The following SMG6 variants were observed in gnomAD, a reference collection of about 807,000 sequenced individuals.
The protein encoded by SMG6 is telomerase-binding protein EST1A.
Under a neutral mutation model 142.2 loss-of-function variants are expected in SMG6, and 66 were observed. The ratio of observed to expected loss-of-function variants is 0.46; its 90% CI spans 0.38 to 0.57. The LOEUF (loss-of-function observed/expected upper bound fraction) is 0.57, where lower values mean the gene tolerates loss of function less well. SMG6 is among the 20% of genes least tolerant of loss of function. The pLI is 0.00. For missense variants in SMG6, 1,793 were observed against 1,832.0 expected (o/e 0.98, Z 0.39); for synonymous variants, 779 against 702.4 (o/e 1.11, Z -1.72).
intron 13 of SMG6, among the ~76,000 whole-genome samples, chr17:2,151,747 T>C (rs1206716527): frequency 6.6e-6 from 1 of 152,240 alleles, no homozygotes; most frequent in Non-Finnish European, 1.5e-5. Context: ...ACATTTTCCC[T>C]ACACCTATGC....
chr17:2,099,125 T>C (rs1228775369), intron 13 of SMG6, among the ~76,000 whole-genome samples: 1 of 152,038 alleles, frequency 6.6e-6, no homozygotes, highest in Non-Finnish European at 1.5e-5. Flanking sequence ...TGTGGATGAG[T>C]GATCGTGGGG....
chr17:2,143,688 G>A (rs576659546), intron 13 of SMG6, among the ~76,000 whole-genome samples: 1 of 152,190 alleles, frequency 6.6e-6, no homozygotes, highest in Non-Finnish European at 1.5e-5. Flanking sequence ...TGAAACAACG[G>A]AATTGTGTAC....
intron 8 of SMG6, among the ~76,000 whole-genome samples, chr17:2,282,390 C>CAAAAAA (rs576759563): frequency 1.2e-5 from 1 of 84,526 alleles, no homozygotes; most frequent in African/African-American, 4.4e-5. Context: ...CAAAAAGCAG[C>CAAAAAA]AAAAAAAAAA....
At chr17:2,212,014 C>T (rs2072880295) in intron 10 of SMG6, among the ~76,000 whole-genome samples, 1 of 152,206 alleles carries the variant, frequency 6.6e-6, no homozygotes, top group East Asian at 1.9e-4. Flanking sequence ...AATTTCAAAT[C>T]TGATCAGCAT....
At chr17:2,303,032 G>A (rs2075319565) in intron 1 of SMG6, 2 of 985,338 alleles carry the variant, frequency 2.0e-6, no homozygotes, top group African/African-American at 1.7e-5. Flanking sequence ...CGTGGCTGGA[G>A]ACTTGAAATT....
intron 8 of SMG6, among the ~76,000 whole-genome samples, chr17:2,278,252 G>A (rs2074705842): frequency 6.6e-6 from 1 of 151,128 alleles, no homozygotes; most frequent in Admixed American, 6.6e-5. Context: ...GCCCAGGCTG[G>A]AGTGCAATGG....
At chr17:2,301,962 C>G (rs2075288229) in intron 1 of SMG6, among the ~76,000 whole-genome samples, 1 of 151,838 alleles carries the variant, frequency 6.6e-6, no homozygotes, top group Non-Finnish European at 1.5e-5. Context: ...TATATAAAAT[C>G]CTAGCATAGG....
intron 13 of SMG6, among the ~76,000 whole-genome samples, chr17:2,135,994 T>TTG (rs1288217557): frequency 2.0e-5 from 2 of 98,852 alleles, no homozygotes; most frequent in African/African-American, 4.1e-5. Context: ...ATATATATAT[T>TTG]TATGTGTGTG....
At chr17:2,301,635 G>A (rs1341441230) in intron 1 of SMG6, among the ~76,000 whole-genome samples, 1 of 152,034 alleles carries the variant, frequency 6.6e-6, no homozygotes, top group Non-Finnish European at 1.5e-5. Flanking sequence ...GAGGTCAGGA[G>A]ATCGAGACCA....
intron 13 of SMG6, among the ~76,000 whole-genome samples, chr17:2,112,286 C>T (rs1286961404): frequency 1.3e-5 from 2 of 151,408 alleles, no homozygotes; most frequent in African/African-American, 2.4e-5. Context: ...GGGTGGATCA[C>T]GAGGTCAGGA....
chr17:2,264,400 T>G (rs2074378815), intron 8 of SMG6, among the ~76,000 whole-genome samples: 1 of 152,206 alleles, frequency 6.6e-6, no homozygotes, highest in South Asian at 2.1e-4. Flanking sequence ...ATCTTTACAT[T>G]GGCTTTGAAC....
rs149723671 is a variant in SMG6 at position 2,143,537 on chromosome 17, G to C, written c.3357+29121C>G. 6.0e-4 allele frequency among the ~76,000 whole-genome samples: 92 copies of C among 152,318 alleles called. 1 individual carries two copies. Among genetic ancestry groups the C allele is most frequent in the African/African-American group, 1.9e-3 (78 of 41,578 alleles). The stretch of plus-strand genomic sequence containing the variant: ...AAGAAGCAGAAGAGGCAAATCTAGA[G>C]AGACTGAAAGTAAACTAGTGGTTGA... On this transcript the variant is annotated intron_variant, in intron 13 of 18. Coordinates refer to ENST00000263073, the MANE Select transcript of SMG6 (RefSeq NM_017575.5).
chr17:2,124,804 T>G (rs928731843), intron 13 of SMG6, among the ~76,000 whole-genome samples: 1 of 152,164 alleles, frequency 6.6e-6, no homozygotes, highest in Non-Finnish European at 1.5e-5. Flanking sequence ...GTTTAATTAA[T>G]TATTTACAGC....
intron 14 of SMG6, among the ~76,000 whole-genome samples, chr17:2,084,588 C>G (rs1198970593): frequency 6.6e-6 from 1 of 152,202 alleles, no homozygotes; most frequent in African/African-American, 2.4e-5. Context: ...CAGCTTCCAG[C>G]TGACATCTGG....
chr17:2,180,861 C>T (rs1422880055), intron 12 of SMG6, among the ~76,000 whole-genome samples: 1 of 152,158 alleles, frequency 6.6e-6, no homozygotes, highest in East Asian at 1.9e-4. Flanking sequence ...CTCTGGTCAC[C>T]TTATCTTAGG....
intron 12 of SMG6, 189 bp from the exon 13 acceptor site, chr17:2,173,048 G>A (rs1042637373): frequency 1.6e-6 from 1 of 608,914 alleles, no homozygotes; most frequent in African/African-American, 1.8e-5. Context: ...GTATGTGTAT[G>A]TGGATTTATG....
At chr17:2,081,246 A>G (rs9674799) in intron 15 of SMG6, among the ~76,000 whole-genome samples, 44,849 of 152,070 alleles carry the variant, frequency 0.29, 9,568 homozygotes, top group East Asian at 0.65. Context: ...GAAGGCCAGG[A>G]AGAAACACTT....
chr17:2,207,959 C>T (rs753359161), intron 10 of SMG6, among the ~76,000 whole-genome samples: 11 of 152,022 alleles, frequency 7.2e-5, no homozygotes, highest in Non-Finnish European at 1.5e-4. Flanking sequence ...CACTGCCTTG[C>T]TTCTTTAAAA....
chr17:2,099,265 C>T (rs1157044246), intron 13 of SMG6, among the ~76,000 whole-genome samples: 7 of 151,864 alleles, frequency 4.6e-5, no homozygotes, highest in Admixed American at 4.6e-4. Flanking sequence ...GGAGATGCTA[C>T]CTTCTGTTTG....
Sources: gnomAD v4.1 joint callset for allele counts (sites outside exome capture counted in the v4.1 genomes callset) on GRCh38, gnomAD v4.1.1 for gene constraint, MANE v1.5 for transcripts, NCBI Gene and HGNC (gene_info 2026-07-23, HGNC 2026-07-21) for gene names.